The following PIK3C2G variants were observed in gnomAD, a reference collection of about 807,000 sequenced individuals.
PIK3C2G encodes phosphatidylinositol 3-kinase C2 domain-containing subunit gamma.
Under a neutral mutation model 181.1 loss-of-function variants are expected in PIK3C2G, and 168 were observed. The observed-to-expected ratio is 0.93, with a 90% CI of 0.82 to 1.05. PIK3C2G has a LOEUF of 1.05. PIK3C2G is among the 50% of genes least tolerant of loss of function. PIK3C2G has a pLI of 0.00. For synonymous variants in PIK3C2G, 573 were observed against 592.2 expected (o/e 0.97, Z 0.47); for missense variants, 1,869 against 1,732.8 (o/e 1.08, Z -1.40).
At chr12:18,680,464 T>C in the PIK3C2G span, among the ~76,000 whole-genome samples, 4 of 152,032 alleles carry the variant, frequency 2.6e-5, no homozygotes, top group Admixed American at 2.0e-4. Context: ...CTTTACTCTT[T>C]AGCAACCAGC....
intron 2 of PIK3C2G, among the ~76,000 whole-genome samples, chr12:18,284,835 A>G (rs1327084768): frequency 6.6e-6 from 1 of 152,194 alleles, no homozygotes; most frequent in Non-Finnish European, 1.5e-5. Flanking sequence ...ACTGAAGTAC[A>G]GAAAACACAG....
intron 5 of PIK3C2G, among the ~76,000 whole-genome samples, chr12:18,301,704 ATTTTC>A (rs1443629431): frequency 6.7e-6 from 1 of 150,284 alleles, no homozygotes; most frequent in East Asian, 2.0e-4. Context: ...TATCTCATAT[ATTTTC>A]TTTTCTTTGG....
chr12:18,303,394 G>A (rs1950292252), intron 5 of PIK3C2G, among the ~76,000 whole-genome samples: 1 of 151,454 alleles, frequency 6.6e-6, no homozygotes, highest in Admixed American at 6.6e-5. Flanking sequence ...AAGTGCAGTG[G>A]CATGATCTTG....
At chr12:18,486,657 T>C (rs186225021) in intron 18 of PIK3C2G, among the ~76,000 whole-genome samples, 58 of 151,850 alleles carry the variant, frequency 3.8e-4, no homozygotes, top group Admixed American at 3.3e-3. Context: ...AGGTTAAAAA[T>C]ACTTAAAAAA....
chr12:18,364,776 T>C (rs948102294), intron 12 of PIK3C2G, among the ~76,000 whole-genome samples: 1 of 152,092 alleles, frequency 6.6e-6, no homozygotes, highest in African/African-American at 2.4e-5. Flanking sequence ...CTCACACTTG[T>C]AATCCCAGCC....
the PIK3C2G span, among the ~76,000 whole-genome samples, chr12:18,710,200 G>T: frequency 6.8e-6 from 1 of 147,930 alleles, no homozygotes; most frequent in Non-Finnish European, 1.5e-5. Flanking sequence ...TTGCTTTTTG[G>T]AATCTTAGAA....
At chr12:18,574,921 A>G (rs1946153276) in intron 29 of PIK3C2G, among the ~76,000 whole-genome samples, 1 of 152,196 alleles carries the variant, frequency 6.6e-6, no homozygotes, top group South Asian at 2.1e-4. Context: ...ATATAAAAAA[A>G]ACTTACTGAA....
the PIK3C2G span, chr12:18,692,788 A>G: frequency 2.1e-6 from 3 of 1,437,396 alleles, no homozygotes; most frequent in Non-Finnish European, 1.9e-6. Flanking sequence ...AGTGGTGGTC[A>G]TGGTCCTGGA....
At chr12:18,644,802 CCT>C (rs1950031152) in intron 32 of PIK3C2G, among the ~76,000 whole-genome samples, 1 of 152,172 alleles carries the variant, frequency 6.6e-6, no homozygotes, top group African/African-American at 2.4e-5. Context: ...ACGCAGTACC[CCT>C]GTTCTCGCTT....
chr12:18,569,773 G>A (rs965816201), intron 29 of PIK3C2G, among the ~76,000 whole-genome samples: 1 of 152,068 alleles, frequency 6.6e-6, no homozygotes, highest in African/African-American at 2.4e-5. Flanking sequence ...GGCCATTCTG[G>A]TTGGTGTGCG....
chr12:18,298,293 T>G (rs1950027058), intron 5 of PIK3C2G, among the ~76,000 whole-genome samples: 1 of 152,000 alleles, frequency 6.6e-6, no homozygotes, highest in Non-Finnish European at 1.5e-5. Flanking sequence ...TTTGAACATT[T>G]TTTATATACT....
At chr12:18,366,144 T>C (rs1205719483) in intron 12 of PIK3C2G, among the ~76,000 whole-genome samples, 1 of 152,226 alleles carries the variant, frequency 6.6e-6, no homozygotes, top group African/African-American at 2.4e-5. Flanking sequence ...TGTCTAAAAA[T>C]CCTGAACTAG....
chr12:18,422,733 A>C (rs1394422418), intron 17 of PIK3C2G, among the ~76,000 whole-genome samples: 2 of 152,130 alleles, frequency 1.3e-5, no homozygotes, highest in East Asian at 3.9e-4. Flanking sequence ...GTTCAAGAAG[A>C]AATAATGGGC....
chr12:18,488,796 A>G (rs1381841332), intron 19 of PIK3C2G, among the ~76,000 whole-genome samples, 167 bp downstream of exon 19: 3 of 152,132 alleles, frequency 2.0e-5, no homozygotes, highest in African/African-American at 7.2e-5. Context: ...TCTTAAGTTA[A>G]TGATAATGTC....
intron 32 of PIK3C2G, among the ~76,000 whole-genome samples, chr12:18,645,136 A>AT (rs772747871): frequency 4.6e-5 from 7 of 151,374 alleles, no homozygotes; most frequent in Non-Finnish European, 8.8e-5. Flanking sequence ...AGAGCTATTT[A>AT]TTTTTGGTTC....
chr12:18,642,953 A>G (rs770824346), intron 32 of PIK3C2G, among the ~76,000 whole-genome samples: 25 of 152,066 alleles, frequency 1.6e-4, no homozygotes, highest in Non-Finnish European at 3.4e-4. Flanking sequence ...ACACTTCCCA[A>G]CAATATATCA....
At chr12:18,271,905 A>T (rs546746951) in intron 1 of PIK3C2G, among the ~76,000 whole-genome samples, 1 of 152,180 alleles carries the variant, frequency 6.6e-6, no homozygotes, top group African/African-American at 2.4e-5. Flanking sequence ...GATATTAGCA[A>T]CTACACAAAA....
rs551047909 is a variant in PIK3C2G at position 18,550,629 on chromosome 12, A to G, written c.3590+4197A>G. The stretch of plus-strand genomic sequence containing the variant: ...ATTGATAAAAGTATATTATATACAT[A>G]TAATATGAGCCCCTCTATATTTAAA... On this transcript the variant is annotated intron_variant, in intron 26 of 32. Transcript: ENST00000538779. Among the ~76,000 whole-genome samples, 14 of 152,194 alleles carry G rather than the reference A, an allele frequency of 9.2e-5. No homozygotes were observed. In the South Asian group the frequency reaches 2.7e-3, roughly 29 times the overall value.
At chr12:18,257,832 A>G (rs894682913), upstream of PIK3C2G, among the ~76,000 whole-genome samples, 2 of 127,976 alleles carry the variant, frequency 1.6e-5, no homozygotes, top group South Asian at 2.9e-4. Context: ...AGAAAGAAAG[A>G]GAAAGGAAAA....
Sources: allele counts gnomAD v4.1 joint callset (sites outside exome capture counted in the v4.1 genomes callset), GRCh38; gene constraint gnomAD v4.1.1; transcripts MANE v1.5; gene names NCBI Gene and HGNC (gene_info 2026-07-23, HGNC 2026-07-21).